The following FMNL2 variants were observed in gnomAD, a reference collection of about 807,000 sequenced individuals.
FMNL2 encodes the protein formin-like protein 2.
FMNL2 carries 51 observed loss-of-function variants against 130.2 expected under a neutral mutation model. The observed-to-expected ratio is 0.39, with a 90% CI of 0.31 to 0.49. The LOEUF (loss-of-function observed/expected upper bound fraction) is 0.49. FMNL2 is among the 20% of genes least tolerant of loss of function. The pLI, the probability that FMNL2 is intolerant of heterozygous loss-of-function variation, is 0.85. For missense variants in FMNL2, 977 were observed against 1,316.2 expected (o/e 0.74, Z 3.99); for synonymous variants, 465 against 467.1 (o/e 1.00, Z 0.06).
intron 1 of FMNL2, among the ~76,000 whole-genome samples, chr2:152,490,283 G>A (rs1323009424): frequency 6.6e-6 from 1 of 151,636 alleles, no homozygotes; most frequent in Non-Finnish European, 1.5e-5. Flanking sequence ...GTTGGGGGGA[G>A]TGGGAGAGGT....
intron 1 of FMNL2, among the ~76,000 whole-genome samples, chr2:152,441,812 G>T (rs1210596415): frequency 6.8e-6 from 1 of 147,956 alleles, no homozygotes; most frequent in Non-Finnish European, 1.5e-5. Context: ...TCCAGCCTGG[G>T]CAACAGAGCG....
chr2:152,339,807 A>ATTATGAG (rs1681694016), intron 1 of FMNL2, among the ~76,000 whole-genome samples: 1 of 152,224 alleles, frequency 6.6e-6, no homozygotes, highest in Non-Finnish European at 1.5e-5. Context: ...CTGAGTATCT[A>ATTATGAG]CTATGAGTAG....
intron 1 of FMNL2, among the ~76,000 whole-genome samples, chr2:152,453,964 A>G (rs575874205): frequency 1.3e-5 from 2 of 152,330 alleles, no homozygotes; most frequent in Admixed American, 1.3e-4. Flanking sequence ...GAAATGAAAA[A>G]TTAAGTATTA....
Position 152,542,803 on chromosome 2 carries a change from C to T in FMNL2, c.266C>T (p.Pro89Leu). 2 of 1,613,948 alleles carry T rather than the reference C, an allele frequency of 1.2e-6. No individual in the cohort carries two copies. Among genetic ancestry groups the T allele is most frequent in the African/African-American group, 1.3e-5 (1 of 75,054 alleles). ...CAAAAGCTCAAAGGCTATCTGGATC[C>T]AGCTGTAACCAGGAAGGTAAGATGG... is the stretch of plus-strand genomic sequence containing the variant. Reference protein sequence around the residue: ...YIQKLKGYLDPAVTRKKFRRR... With the variant: ...YIQKLKGYLDLAVTRKKFRRR... Residue 89 changes from proline to leucine, a missense_variant, in exon 3 of 26, where the codon CCA (proline) becomes CTA (leucine). Physicochemically the swap from Pro to Leu is moderately conservative, Grantham distance 98. Transcript: ENST00000288670.
intron 1 of FMNL2, among the ~76,000 whole-genome samples, chr2:152,448,912 A>G (rs1166742335): frequency 6.6e-6 from 1 of 152,204 alleles, no homozygotes; most frequent in African/African-American, 2.4e-5. Flanking sequence ...TGAAATACAG[A>G]ACTGTTTAGT....
At chr2:152,503,405 G>A (rs73016030) in intron 1 of FMNL2, among the ~76,000 whole-genome samples, 3,707 of 152,238 alleles carry the variant, frequency 0.024, 156 homozygotes, top group African/African-American at 0.085. Context: ...TACCATCTGG[G>A]GAATGGGAGA....
At chr2:152,504,794 C>T (rs1384158554) in intron 1 of FMNL2, among the ~76,000 whole-genome samples, 1 of 152,086 alleles carries the variant, frequency 6.6e-6, no homozygotes, top group Non-Finnish European at 1.5e-5. Context: ...CTCAGAATTC[C>T]TGAATCATTA....
chr2:152,469,813 G>C (rs1205480586), intron 1 of FMNL2, among the ~76,000 whole-genome samples: 2 of 152,176 alleles, frequency 1.3e-5, no homozygotes, highest in African/African-American at 4.8e-5. Flanking sequence ...AATGGGAGCA[G>C]TATGTGCATC....
intron 3 of FMNL2, among the ~76,000 whole-genome samples, chr2:152,545,631 G>A (rs1694585043): frequency 6.6e-6 from 1 of 152,146 alleles, no homozygotes; most frequent in Admixed American, 6.5e-5. Flanking sequence ...GAAACCTATT[G>A]TAGGGCTCAT....
At chr2:152,593,862 T>A (rs62179590) in intron 9 of FMNL2, among the ~76,000 whole-genome samples, 13,472 of 93,346 alleles carry the variant, frequency 0.14, 778 homozygotes, top group East Asian at 0.35. Context: ...AGAGAGAGAG[T>A]GTGTGTGTGT....
In FMNL2 at chr2:152,450,809, A is replaced by T. The variant is rs115368208; in HGVS notation, c.118-71134A>T. Among the ~76,000 whole-genome samples, 1,213 of 152,148 alleles carry T rather than the reference A, an allele frequency of 8.0e-3. 17 individuals are homozygous for T. Among genetic ancestry groups the T allele is most frequent in the African/African-American group, 0.028 (1,143 of 41,492 alleles). On this transcript the variant is annotated intron_variant, in intron 1 of 25. Coordinates refer to ENST00000288670, the MANE Select transcript of FMNL2 (RefSeq NM_052905.4). Reference sequence around the variant, plus strand: ...AAAGCTCATAGCCTCTTACCTGTCCACTCGTTCCTTAAAATCATTGACGGT... The same window carrying T: ...AAAGCTCATAGCCTCTTACCTGTCCTCTCGTTCCTTAAAATCATTGACGGT...
At chr2:152,487,784 CTT>C (rs752010491) in intron 1 of FMNL2, among the ~76,000 whole-genome samples, 2 of 141,586 alleles carry the variant, frequency 1.4e-5, no homozygotes, top group Admixed American at 7.1e-5. Flanking sequence ...TGAATTCTTT[CTT>C]TTTTTTTTTT....
intron 1 of FMNL2, among the ~76,000 whole-genome samples, chr2:152,505,701 G>A (rs1235856050): frequency 6.6e-6 from 1 of 152,184 alleles, no homozygotes; most frequent in Non-Finnish European, 1.5e-5. Context: ...GGATACTAAG[G>A]GTCATCGGGC....
intron 6 of FMNL2, among the ~76,000 whole-genome samples, chr2:152,567,529 A>G (rs1295357482): frequency 1.3e-5 from 2 of 152,208 alleles, no homozygotes; most frequent in Non-Finnish European, 2.9e-5. Context: ...CTGTAGAGAC[A>G]GTCAGAAAAC....
intron 1 of FMNL2, among the ~76,000 whole-genome samples, chr2:152,415,894 G>A (rs576531938): frequency 6.6e-6 from 1 of 152,340 alleles, no homozygotes; most frequent in Admixed American, 6.5e-5. Context: ...CAAAGTGAAT[G>A]TGGTCACCAG....
At chr2:152,483,181 A>G (rs779508446) in intron 1 of FMNL2, among the ~76,000 whole-genome samples, 2 of 152,166 alleles carry the variant, frequency 1.3e-5, no homozygotes, top group Non-Finnish European at 2.9e-5. Flanking sequence ...TCTTTAAAAA[A>G]ACACACACGC....
At chr2:152,412,643 A>T (rs1485630540) in intron 1 of FMNL2, among the ~76,000 whole-genome samples, 3 of 72,310 alleles carry the variant, frequency 4.1e-5, no homozygotes, top group African/African-American at 7.7e-5. Context: ...CCCATCTCTT[A>T]AAAAAAATAC....
chr2:152,564,230 G>C (rs1272128051), intron 6 of FMNL2, among the ~76,000 whole-genome samples: 1 of 151,460 alleles, frequency 6.6e-6, no homozygotes, highest in Admixed American at 6.6e-5. Flanking sequence ...TGGTAGCTTT[G>C]TTTAATTAGT....
chr2:152,338,021 G>GTTT (rs111784279), intron 1 of FMNL2, among the ~76,000 whole-genome samples: 12 of 139,676 alleles, frequency 8.6e-5, no homozygotes, highest in Non-Finnish European at 1.6e-4. Flanking sequence ...GATTTCTCTT[G>GTTT]TTTTTTTTTT....
Sources: gnomAD v4.1 joint callset for allele counts (sites outside exome capture counted in the v4.1 genomes callset) on GRCh38, gnomAD v4.1.1 for gene constraint, MANE v1.5 for transcripts, NCBI Gene and HGNC (gene_info 2026-07-23, HGNC 2026-07-21) for gene names.